The following GTF2E2 variants were observed in gnomAD, a reference collection of about 807,000 sequenced individuals.
GTF2E2 encodes general transcription factor IIE subunit 2.
GTF2E2 carries 21 observed loss-of-function variants against 40.5 expected under a neutral mutation model. That is an observed-to-expected ratio of 0.52 (90% CI 0.37 to 0.75). The LOEUF (loss-of-function observed/expected upper bound fraction) is 0.75. GTF2E2 is among the 30% of genes least tolerant of loss of function. The pLI is 0.00. For synonymous variants in GTF2E2, 117 were observed against 121.6 expected, an observed-to-expected ratio of 0.96 and a Z score of 0.25; for missense variants, 298 against 338.4, an observed-to-expected ratio of 0.88 and a Z score of 0.94.
chr8:30,623,608 T>C (rs564262613), intron 3 of GTF2E2, among the ~76,000 whole-genome samples: 2 of 152,172 alleles, frequency 1.3e-5, no homozygotes, highest in Non-Finnish European at 2.9e-5. Context: ...TCTACAATGG[T>C]TGAACTAGTT....
At chr8:30,587,031 C>T (rs990012832) in intron 6 of GTF2E2, among the ~76,000 whole-genome samples, 2 of 152,184 alleles carry the variant, frequency 1.3e-5, no homozygotes, top group Non-Finnish European at 2.9e-5. Context: ...CAAAAAGCTG[C>T]AGCATGGCAA....
intron 1 of GTF2E2, among the ~76,000 whole-genome samples, chr8:30,654,197 A>C (rs988664429): frequency 2.0e-5 from 3 of 152,152 alleles, no homozygotes; most frequent in African/African-American, 7.2e-5. Context: ...CCTATTAAAC[A>C]TGTGAAATGT....
chr8:30,589,210 C>G (rs1310194892), intron 6 of GTF2E2, among the ~76,000 whole-genome samples: 1 of 152,238 alleles, frequency 6.6e-6, no homozygotes, highest in Middle Eastern at 3.4e-3. Flanking sequence ...TAACCAAGAT[C>G]GCACTACTGC....
chr8:30,581,453 G>A (rs753133457), intron 6 of GTF2E2, among the ~76,000 whole-genome samples: 17 of 151,790 alleles, frequency 1.1e-4, no homozygotes, highest in Admixed American at 4.6e-4. Flanking sequence ...TTCAGTACAC[G>A]CTGCATAAAG....
At chr8:30,579,745 C>T (rs79185321) in intron 7 of GTF2E2, among the ~76,000 whole-genome samples, 197 of 152,308 alleles carry the variant, frequency 1.3e-3, no homozygotes, top group African/African-American at 4.6e-3. Context: ...TCTTAGACTA[C>T]AGATTTTATT....
chr8:30,589,357 G>A (rs936817092), intron 6 of GTF2E2, among the ~76,000 whole-genome samples: 15 of 152,196 alleles, frequency 9.9e-5, no homozygotes, highest in Non-Finnish European at 2.1e-4. Context: ...AGAAGTTCAA[G>A]ACCAGTCTGG....
chr8:30,602,460 A>G lies in GTF2E2; in HGVS notation c.643+4597T>C, dbSNP rs370916781. Among the ~76,000 whole-genome samples the G allele has an allele frequency of 7.9e-5, 12 of 152,304 alleles. No individual in the cohort carries two copies. The East Asian group carries it at 1.7e-3, about 22-fold the overall frequency. ...TTATATTATCTATGAACTTAATTTCACAAAAGCAAAGATGACGTTACAAAT... is the reference window on the plus strand; with the variant it reads ...TTATATTATCTATGAACTTAATTTCGCAAAAGCAAAGATGACGTTACAAAT... On this transcript the variant is annotated intron_variant, in intron 6 of 7. Transcript: ENST00000355904.
At chr8:30,645,498 C>T in intron 2 of GTF2E2, 1 of 1,535,610 alleles carries the variant, frequency 6.5e-7, no homozygotes, top group South Asian at 1.2e-5. Flanking sequence ...ACTGCTGCTG[C>T]TGTGTAAAAA....
chr8:30,622,007 G>T (rs945704571), intron 3 of GTF2E2, among the ~76,000 whole-genome samples: 1 of 151,452 alleles, frequency 6.6e-6, no homozygotes, highest in East Asian at 1.9e-4. Context: ...AAGTTCTAGG[G>T]TACATGTGCA....
chr8:30,645,205 A>T, intron 2 of GTF2E2: 1 of 1,230,884 alleles, frequency 8.1e-7, no homozygotes, highest in Non-Finnish European at 1.1e-6. Context: ...AAATTTACTA[A>T]GAAATCTTAG....
intron 3 of GTF2E2, among the ~76,000 whole-genome samples, chr8:30,631,015 A>AT (rs1291722996): frequency 3.1e-4 from 47 of 151,968 alleles, no homozygotes; most frequent in Non-Finnish European, 5.7e-4. Context: ...AAAAAGAAAT[A>AT]TTTTTTTCAA....
chr8:30,593,074 G>T (rs201991826), intron 6 of GTF2E2, among the ~76,000 whole-genome samples: 1 of 152,152 alleles, frequency 6.6e-6, no homozygotes, highest in Non-Finnish European at 1.5e-5. Flanking sequence ...CGTGCCTGTA[G>T]TCCCAGCTAC....
At chr8:30,588,543 G>A (rs1828749046) in intron 6 of GTF2E2, among the ~76,000 whole-genome samples, 1 of 152,184 alleles carries the variant, frequency 6.6e-6, no homozygotes, top group African/African-American at 2.4e-5. Flanking sequence ...GCAGAGAGTA[G>A]AATGATGGCT....
chr8:30,607,545 T>C (rs1285116410), intron 5 of GTF2E2, among the ~76,000 whole-genome samples: 1 of 152,212 alleles, frequency 6.6e-6, no homozygotes, highest in Non-Finnish European at 1.5e-5. Flanking sequence ...CATCAGAAAG[T>C]ACAGGGACTA....
chr8:30,647,524 T>C (rs1310353437), intron 2 of GTF2E2, among the ~76,000 whole-genome samples: 2 of 152,176 alleles, frequency 1.3e-5, no homozygotes, highest in Non-Finnish European at 1.5e-5. Context: ...GAGGTTGCAG[T>C]GAGCTGAGAT....
At chr8:30,625,345 C>A (rs1485002021) in intron 3 of GTF2E2, among the ~76,000 whole-genome samples, 2 of 152,116 alleles carry the variant, frequency 1.3e-5, no homozygotes, top group African/African-American at 4.8e-5. Flanking sequence ...ACCAGCCTTG[C>A]ATCCCAGGGT....
chr8:30,612,827 G>C (rs973195389), intron 4 of GTF2E2, among the ~76,000 whole-genome samples: 1 of 152,150 alleles, frequency 6.6e-6, no homozygotes, highest in African/African-American at 2.4e-5. Context: ...GATTATAGGC[G>C]TGAGCCACTG....
At chr8:30,654,994 A>G (rs1236349713) in intron 1 of GTF2E2, among the ~76,000 whole-genome samples, 1 of 152,140 alleles carries the variant, frequency 6.6e-6, no homozygotes, top group Non-Finnish European at 1.5e-5. Flanking sequence ...TAATCCCAGC[A>G]CTTTGGGAGG....
intron 3 of GTF2E2, among the ~76,000 whole-genome samples, chr8:30,622,920 G>A (rs1801156309): frequency 6.6e-6 from 1 of 151,932 alleles, no homozygotes; most frequent in Non-Finnish European, 1.5e-5. Flanking sequence ...ATTTCATATT[G>A]TTCAAACACA....
Sources: allele counts gnomAD v4.1 joint callset (sites outside exome capture counted in the v4.1 genomes callset), GRCh38; gene constraint gnomAD v4.1.1; transcripts MANE v1.5; gene names NCBI Gene and HGNC (gene_info 2026-07-23, HGNC 2026-07-21).